NELL2: variants seen among roughly 807,000 people sequenced by gnomAD.
The protein encoded by NELL2 is neural EGFL like 2.
A neutral mutation model predicts 109.6 loss-of-function variants in NELL2; 41 were observed. That is an observed-to-expected ratio of 0.37 (90% CI 0.29 to 0.49). The LOEUF is 0.49. Among genes scored for constraint, NELL2 ranks in the 20% least tolerant of loss-of-function variants. The pLI is 0.98. For synonymous variants in NELL2, 355 were observed against 344.7 expected, an observed-to-expected ratio of 1.03 and a Z score of -0.33; for missense variants, 900 against 1,008.3, an observed-to-expected ratio of 0.89 and a Z score of 1.45.
intron 19 of NELL2, among the ~76,000 whole-genome samples, chr12:44,511,879 C>CT (rs1199596998): frequency 6.6e-6 from 1 of 152,112 alleles, no homozygotes; most frequent in Non-Finnish European, 1.5e-5. Context: ...TATAAAACTA[C>CT]TAGAAGAAAA....
chr12:44,613,872 T>G (rs551568638), intron 13 of NELL2, among the ~76,000 whole-genome samples: 1 of 152,192 alleles, frequency 6.6e-6, no homozygotes, highest in East Asian at 1.9e-4. Context: ...TGACTCACAC[T>G]TCCTTGAGGA....
Position 44,593,342 on chromosome 12 carries a change from T to C in NELL2, c.1663+13827A>G, listed in dbSNP as rs925685358. ...GATAAGCAGCAACAGAAGAAAATAA[T>C]GCAAAAAAAGGCAGTCAGGCAGGAG... On this transcript the variant is annotated intron_variant, in intron 15 of 19. Transcript: ENST00000429094. Among the ~76,000 whole-genome samples the C allele has an allele frequency of 3.3e-5, 5 of 152,112 alleles. No individual in the cohort carries two copies. In the East Asian group the frequency reaches 9.7e-4, roughly 29 times the overall value.
chr12:44,921,419 T>A (rs1188044369), intron 1 of NELL2, among the ~76,000 whole-genome samples: 1 of 152,100 alleles, frequency 6.6e-6, no homozygotes, highest in African/African-American at 2.4e-5. Context: ...ATTCAGTAAC[T>A]ACGTAGGCGG....
intron 13 of NELL2, among the ~76,000 whole-genome samples, chr12:44,662,689 G>A (rs1416839768): frequency 6.6e-6 from 1 of 152,154 alleles, no homozygotes; most frequent in East Asian, 1.9e-4. Flanking sequence ...AGCAGAAAAA[G>A]GCTTCTTTAT....
intron 12 of NELL2, among the ~76,000 whole-genome samples, chr12:44,695,340 C>G (rs1402421656): frequency 6.7e-6 from 1 of 150,092 alleles, no homozygotes; most frequent in East Asian, 2.0e-4. Context: ...AAGTAGTTAA[C>G]TACGATTAAA....
chr12:44,678,873 G>A lies in NELL2; in HGVS notation c.1319-13264C>T, dbSNP rs1167850823. ...GTACGGAGGGGATATGTGATGACAA[G>A]TCTAGATTGAAGTGGGTTAAGGAGA... On this transcript the variant is annotated intron_variant, in intron 12 of 19. Transcript: ENST00000429094. 3.3e-5 allele frequency among the ~76,000 whole-genome samples: 5 copies of A among 152,100 alleles called. No homozygotes were observed. The South Asian group carries it at 8.3e-4, about 25-fold the overall frequency.
At chr12:44,809,692 G>C (rs892092496) in intron 3 of NELL2, among the ~76,000 whole-genome samples, 2 of 151,972 alleles carry the variant, frequency 1.3e-5, no homozygotes, top group Non-Finnish European at 2.9e-5. Context: ...GGAGTTCCCG[G>C]GAGTTTCATA....
intron 2 of NELL2, among the ~76,000 whole-genome samples, chr12:44,840,331 A>G (rs1430007758): frequency 2.6e-5 from 4 of 152,114 alleles, no homozygotes; most frequent in Non-Finnish European, 5.9e-5. Flanking sequence ...CTCTCACTAT[A>G]TTTTCTCACT....
At chr12:44,868,887 C>T (rs190416386) in intron 2 of NELL2, among the ~76,000 whole-genome samples, 8 of 151,718 alleles carry the variant, frequency 5.3e-5, no homozygotes. Context: ...AGTGTTCTCA[C>T]CAAAAAAAAT....
At chr12:44,753,833 T>C (rs1160792714) in intron 9 of NELL2, among the ~76,000 whole-genome samples, 1 of 149,954 alleles carries the variant, frequency 6.7e-6, no homozygotes, top group Admixed American at 6.7e-5. Context: ...GTGAGGAATT[T>C]TCACCTAATG....
At chr12:44,517,394 TC>T (rs1305931083) in intron 19 of NELL2, among the ~76,000 whole-genome samples, 3 of 150,744 alleles carry the variant, frequency 2.0e-5, no homozygotes, top group South Asian at 2.1e-4. Context: ...TCTCTCTCTC[TC>T]TCTCTCTCTC....
chr12:44,529,032 G>A (rs1941930465), intron 16 of NELL2, among the ~76,000 whole-genome samples: 1 of 152,190 alleles, frequency 6.6e-6, no homozygotes. Flanking sequence ...GGCTCCACGA[G>A]TGTGAACAGA....
At chr12:44,882,691 C>T (rs1333048901) in intron 1 of NELL2, among the ~76,000 whole-genome samples, 1 of 151,410 alleles carries the variant, frequency 6.6e-6, no homozygotes, top group African/African-American at 2.4e-5. Flanking sequence ...CCAGGCCTGG[C>T]TAAGTTTTGT....
In NELL2 at chr12:44,801,146, A is replaced by C. The variant is rs202217860; in HGVS notation, c.335+14840T>G. 2.6e-5 allele frequency among the ~76,000 whole-genome samples: 4 copies of C among 152,270 alleles called. No homozygotes were observed. The East Asian group carries it at 5.8e-4, about 22-fold the overall frequency. ...TTATAGAAACGCCAAAATGCTAGAA[A>C]TCTTACTTTCAAGTTTTGCCATTAA... On this transcript the variant is annotated intron_variant, in intron 3 of 19. Coordinates refer to ENST00000429094, the MANE Select transcript of NELL2 (RefSeq NM_001145108.2).
intron 2 of NELL2, among the ~76,000 whole-genome samples, chr12:44,838,238 A>G (rs1259866215): frequency 1.3e-5 from 2 of 152,184 alleles, no homozygotes; most frequent in Admixed American, 6.6e-5. Flanking sequence ...GAAATATGGT[A>G]ACAAAATTTG....
In NELL2 at chr12:44,665,626, G is replaced by C; in HGVS notation, c.1319-17C>G. ...CATCGATGTCTGTGAAGAAAAACAG[G>C]ACAAAGAGGTCAACAGTGGGCAATA... On this transcript the variant is annotated splice_polypyrimidine_tract_variant and intron_variant, in intron 12 of 19. Transcript: ENST00000429094. 1.2e-6 allele frequency: 2 copies of C among 1,609,430 alleles called. No individual in the cohort carries two copies. Among genetic ancestry groups the C allele is most frequent in the Non-Finnish European group, 1.7e-6 (2 of 1,177,290 alleles).
intron 13 of NELL2, among the ~76,000 whole-genome samples, chr12:44,644,621 T>A (rs1408864966): frequency 1.0e-5 from 1 of 95,396 alleles, no homozygotes; most frequent in Non-Finnish European, 2.1e-5. Context: ...TATATATATA[T>A]ATATACATAC....
At chr12:44,528,015 A>G (rs1368757642) in intron 16 of NELL2, among the ~76,000 whole-genome samples, 1 of 145,862 alleles carries the variant, frequency 6.9e-6, no homozygotes, top group Non-Finnish European at 1.5e-5. Context: ...AATGGCGTGA[A>G]CCGGGGAGGT....
chr12:44,880,114 TACAC>T (rs747220208), upstream of NELL2, among the ~76,000 whole-genome samples: 18 of 137,132 alleles, frequency 1.3e-4, no homozygotes, highest in South Asian at 2.7e-4. Context: ...TCAAGAAACA[TACAC>T]ACACACACAC....
Sources: allele counts gnomAD v4.1 joint callset (sites outside exome capture counted in the v4.1 genomes callset), GRCh38; gene constraint gnomAD v4.1.1; transcripts MANE v1.5; gene names NCBI Gene and HGNC (gene_info 2026-07-23, HGNC 2026-07-21).